The following POSTN variants were observed in gnomAD, a reference collection of about 807,000 sequenced individuals.
POSTN encodes the protein osteoblast specific factor 2 (fasciclin I-like).
In POSTN, 71 loss-of-function variants were observed where a neutral mutation model predicts 104.5. That is an observed-to-expected ratio of 0.68 (90% CI 0.56 to 0.83). The LOEUF (loss-of-function observed/expected upper bound fraction) is 0.83, where lower values mean the gene tolerates loss of function less well. POSTN is among the 40% of genes least tolerant of loss of function. The probability of loss-of-function intolerance (pLI) is 0.00; values close to 1 mark genes in which losing one functional copy is unlikely to be tolerated. For missense variants in POSTN, 949 were observed against 1,006.8 expected (o/e 0.94, Z 0.78); for synonymous variants, 355 against 340.7 (o/e 1.04, Z -0.46).
intron 11 of POSTN, 134 bp from the exon 12 acceptor site, chr13:37,580,125 G>T: frequency 1.2e-6 from 1 of 830,126 alleles, no homozygotes; most frequent in Non-Finnish European, 1.8e-6. Flanking sequence ...CATATGTTTC[G>T]AATACAATTT....
chr13:37,571,277 G>T, intron 18 of POSTN, 92 bp downstream of exon 18: 1 of 841,888 alleles, frequency 1.2e-6, no homozygotes, highest in South Asian at 1.9e-5. Context: ...AGAACTAAGA[G>T]AAAATATCAG....
intron 21 of POSTN, among the ~76,000 whole-genome samples, chr13:37,566,618 A>G (rs1380276885): frequency 6.6e-6 from 1 of 152,054 alleles, no homozygotes. Context: ...CAGACCTACA[A>G]CTCGATCTAC....
intron 18 of POSTN, chr13:37,570,875 G>T: frequency 2.2e-6 from 1 of 461,650 alleles, no homozygotes; most frequent in Middle Eastern, 6.0e-4. Flanking sequence ...TTGGTTGAGA[G>T]AGAGGGCCAT....
chr13:37,563,699 G>C (rs1323154394), intron 22 of POSTN, among the ~76,000 whole-genome samples: 5 of 151,974 alleles, frequency 3.3e-5, no homozygotes, highest in African/African-American at 1.2e-4. Context: ...ATATTGGATT[G>C]GTTTAAAGTA....
At chr13:37,580,466 A>T (rs1375583961) in intron 11 of POSTN, 95 bp downstream of exon 11, 1 of 1,353,400 alleles carries the variant, frequency 7.4e-7, no homozygotes, top group Non-Finnish European at 1.0e-6. Flanking sequence ...ATTTTCAACC[A>T]CATAGGAGAC....
At chr13:37,567,019 G>A (rs1021662885) in intron 21 of POSTN, among the ~76,000 whole-genome samples, 1 of 150,868 alleles carries the variant, frequency 6.6e-6, no homozygotes, top group Non-Finnish European at 1.5e-5. Context: ...GGCGGATCAC[G>A]AGGTCAGGAG....
rs775613044 is a variant in POSTN at position 37,587,821 on chromosome 13, C to T, written c.606+1G>A. 6.4e-7 allele frequency: 1 copy of T among 1,573,546 alleles called. No homozygotes were observed. On this transcript the variant is annotated splice_donor_variant, in intron 5 of 22. Transcript: ENST00000379747. LOFTEE classifies it high-confidence loss of function. Reference sequence around the variant, plus strand: ...GTGTACTTTTTACTGATAAAACTTACCCCATTAGGATAATGGTTAATGAAA... The same window carrying T: ...GTGTACTTTTTACTGATAAAACTTATCCCATTAGGATAATGGTTAATGAAA...
In POSTN at chr13:37,564,519, C is replaced by T; in HGVS notation, c.2473G>A (p.Gly825Arg). The T allele has an allele frequency of 6.3e-7, 1 of 1,588,658 alleles. No individual in the cohort carries two copies. Among genetic ancestry groups the T allele is most frequent in the Middle Eastern group, 1.7e-4 (1 of 6,002 alleles). The change falls in exon 22 of 23, where the codon GGA (glycine) becomes AGA (arginine). Residue 825 changes from glycine to arginine, a missense_variant and splice_region_variant. By Grantham distance (125) the Gly-to-Arg change is moderately radical (BLOSUM62 -2). Coordinates refer to ENST00000379747, the MANE Select transcript of POSTN (RefSeq NM_006475.3). ...RKLQANKKVQ[G>R]SRRRLREGRS... ...ACATTACTATAGCCAATACACTTAC[C>T]TTGAACTTTTTTGTTGGCTTGCAAC... is the stretch of plus-strand genomic sequence containing the variant.
chr13:37,596,497 A>C (rs1951090468), intron 2 of POSTN, among the ~76,000 whole-genome samples: 1 of 152,210 alleles, frequency 6.6e-6, no homozygotes. Flanking sequence ...TTAAGTAATA[A>C]ATAATGCTTT....
At chr13:37,592,748 A>G (rs1360922791) in intron 2 of POSTN, among the ~76,000 whole-genome samples, 1 of 152,192 alleles carries the variant, frequency 6.6e-6, no homozygotes, top group Non-Finnish European at 1.5e-5. Context: ...CATTTAATCA[A>G]TAGGAGTCCC....
chr13:37,566,521 ATCACTACTATCC>A (rs1950106146), intron 21 of POSTN, among the ~76,000 whole-genome samples: 1 of 152,158 alleles, frequency 6.6e-6, no homozygotes, highest in Non-Finnish European at 1.5e-5. Context: ...GACTGTAGGT[ATCACTACTATCC>A]TCACTTTCAG....
chr13:37,595,646 T>C (rs1384961501), intron 2 of POSTN, among the ~76,000 whole-genome samples: 1 of 152,090 alleles, frequency 6.6e-6, no homozygotes, highest in Admixed American at 6.5e-5. Flanking sequence ...TGCATTTGTT[T>C]AAAAGAGTTT....
In POSTN at chr13:37,579,497, G is replaced by A. The variant is rs543112756; in HGVS notation, c.1661-138C>T. On this transcript the variant is annotated intron_variant, in intron 12 of 22. Transcript: ENST00000379747. ...ATCATTATTCTCTCAAGTAGATATC[G>A]ATGCTATTTCAAAACATAGTTATTT... 1.5e-5 allele frequency: 11 copies of A among 750,812 alleles called. 1 individual carries two copies. The highest frequency in any genetic ancestry group is 1.2e-4 in the South Asian group (6 of 49,046). 46.5% of individuals were successfully genotyped at this position (750,812 alleles called of 1,614,324 possible). A position where few individuals can be genotyped will look rare whatever the true frequency, so the allele number is the denominator to read the frequency against.
chr13:37,579,285 G>T lies in POSTN; in HGVS notation c.1735C>A (p.Pro579Thr), dbSNP rs2138260535. The change falls in exon 13 of 23, where the codon CCT (proline) becomes ACT (threonine). Residue 579 changes from proline (P) to threonine (T), a missense_variant. Coordinates refer to ENST00000379747, the MANE Select transcript of POSTN (RefSeq NM_006475.3). ...PGVFIGKGFE[P>T]GVTNILKTTQ... ...GTCTTTAAAATGTTAGTAACACCAGGTTCAAATCCTTTTCCAATGAAAACT... is the reference window on the plus strand; with the variant it reads ...GTCTTTAAAATGTTAGTAACACCAGTTTCAAATCCTTTTCCAATGAAAACT... The T allele has an allele frequency of 6.2e-7, 1 of 1,607,362 alleles. No individual in the cohort carries two copies. Among genetic ancestry groups the T allele is most frequent in the Middle Eastern group, 1.7e-4 (1 of 6,046 alleles).
At chr13:37,580,916 T>G (rs1326119257) in intron 10 of POSTN, among the ~76,000 whole-genome samples, 1 of 152,142 alleles carries the variant, frequency 6.6e-6, no homozygotes, top group Non-Finnish European at 1.5e-5. Flanking sequence ...CAAGCTACCT[T>G]ATGGATCAGG....
At chr13:37,568,659 G>A (rs1399386842) in intron 21 of POSTN, 1 of 151,116 alleles carries the variant, frequency 6.6e-6, no homozygotes, top group African/African-American at 2.4e-5. Context: ...TAATTACTAT[G>A]TAGGGTTTGT....
At chr13:37,579,162 A>G (rs756879046) in intron 13 of POSTN, 41 bp from the exon 14 acceptor site, 1 of 1,603,636 alleles carries the variant, frequency 6.2e-7, no homozygotes, top group South Asian at 1.1e-5. Flanking sequence ...AAATTTCATT[A>G]AGGATGAATA....
At chr13:37,577,042 G>T (rs890899904) in intron 16 of POSTN, among the ~76,000 whole-genome samples, 2 of 151,936 alleles carry the variant, frequency 1.3e-5, no homozygotes, top group African/African-American at 4.8e-5. Flanking sequence ...AAAATGAAAA[G>T]AATTTCTGCT....
At chr13:37,578,549 G>A (rs866457727) in intron 15 of POSTN, among the ~76,000 whole-genome samples, 2 of 152,028 alleles carry the variant, frequency 1.3e-5, no homozygotes, top group Non-Finnish European at 1.5e-5. Flanking sequence ...TGTAATCCTG[G>A]CACTTTAGGA....
Sources: allele counts gnomAD v4.1 joint callset (sites outside exome capture counted in the v4.1 genomes callset), GRCh38; gene constraint gnomAD v4.1.1; transcripts MANE v1.5; gene names NCBI Gene and HGNC (gene_info 2026-07-23, HGNC 2026-07-21).